RYR2: variants seen among roughly 807,000 people sequenced by gnomAD.
The protein encoded by RYR2 is ryanodine receptor 2.
Under a neutral mutation model 601.1 loss-of-function variants are expected in RYR2, and 227 were observed. That is an observed-to-expected ratio of 0.38 (90% CI 0.34 to 0.42). The LOEUF (loss-of-function observed/expected upper bound fraction) is 0.42. Ranked by LOEUF, RYR2 falls within the 10% of genes least tolerant of loss-of-function variation. The pLI, the probability that RYR2 is intolerant of heterozygous loss-of-function variation, is 1.00. For missense variants in RYR2, 4,646 were observed against 6,156.5 expected (o/e 0.75, Z 8.21); for synonymous variants, 2,223 against 2,175.1 (o/e 1.02, Z -0.61).
intron 57 of RYR2, 115 bp from the exon 58 acceptor site, chr1:237,667,768 A>C (rs1329450940): frequency 1.4e-6 from 1 of 711,402 alleles, no homozygotes; most frequent in Non-Finnish European, 2.3e-6. Context: ...TTTTAAATGT[A>C]TCATAGCACT....
At chr1:237,363,795 G>T (rs772653877) in intron 4 of RYR2, among the ~76,000 whole-genome samples, 25 of 152,100 alleles carry the variant, frequency 1.6e-4, no homozygotes, top group Non-Finnish European at 3.4e-4. Flanking sequence ...AAGAGAAAAA[G>T]AAATGTTTTT....
chr1:237,150,594 G>A (rs1024009105), intron 1 of RYR2, among the ~76,000 whole-genome samples: 4 of 152,110 alleles, frequency 2.6e-5, no homozygotes, highest in African/African-American at 9.7e-5. Context: ...AGAACACATA[G>A]CATAGTCTGT....
chr1:237,674,002 A>C, intron 58 of RYR2, 94 bp from the exon 59 acceptor site: 1 of 936,020 alleles, frequency 1.1e-6, no homozygotes, highest in East Asian at 2.4e-5. Flanking sequence ...AAGGATATGG[A>C]AAGTTTTATA....
At chr1:237,473,464 TCTA>T (rs1661008406) in intron 17 of RYR2, among the ~76,000 whole-genome samples, 1 of 147,058 alleles carries the variant, frequency 6.8e-6, no homozygotes, top group African/African-American at 2.5e-5. Flanking sequence ...TTTCTTTCTA[TCTA>T]TCTATCTATC....
chr1:237,578,930 A>G (rs1048762369), intron 29 of RYR2, among the ~76,000 whole-genome samples: 1 of 151,966 alleles, frequency 6.6e-6, no homozygotes. Context: ...TTCCTTGATG[A>G]CCTCTTGGGT....
At chr1:237,506,248 A>G (rs3101797) in intron 22 of RYR2, among the ~76,000 whole-genome samples, 106,403 of 151,170 alleles carry the variant, frequency 0.7, 37,972 homozygotes, top group African/African-American at 0.84. Context: ...TTTAAAGAAT[A>G]TCATGAAGGC....
chr1:237,445,631 C>G, intron 14 of RYR2, 109 bp downstream of exon 14: 2 of 1,354,442 alleles, frequency 1.5e-6, no homozygotes, highest in Non-Finnish European at 2.0e-6. Flanking sequence ...AAATCTCATA[C>G]TGTTTGGTAA....
At chr1:237,604,484 T>G (rs534309911) in intron 35 of RYR2, among the ~76,000 whole-genome samples, 39 of 152,074 alleles carry the variant, frequency 2.6e-4, no homozygotes, top group Middle Eastern at 3.4e-3. Flanking sequence ...GATCTAAAAT[T>G]GACACCCTAA....
In RYR2 at chr1:237,819,734, C is replaced by T. The variant is rs1305097847; in HGVS notation, c.14590+542C>T. ...CTGGGAGGCTGAGGCAGGAGAATTG[C>T]TTGAACCCGGGAGGTGGAGGTTGCA... is the stretch of plus-strand genomic sequence containing the variant. On this transcript the variant is annotated intron_variant, in intron 101 of 104. Coordinates refer to ENST00000366574, the MANE Select transcript of RYR2 (RefSeq NM_001035.3). This position sits in a 1 kb window ranked among gnomAD's most constrained non-coding sequence, Gnocchi z 4.0. Among the ~76,000 whole-genome samples, 1 of 152,124 alleles carries T rather than the reference C, an allele frequency of 6.6e-6. No individual in the cohort carries two copies. Among genetic ancestry groups the T allele is most frequent in the Non-Finnish European group, 1.5e-5 (1 of 68,014 alleles).
chr1:237,723,002 A>G (rs1340481075), intron 73 of RYR2, 126 bp from the exon 74 acceptor site: 13 of 733,776 alleles, frequency 1.8e-5, no homozygotes, highest in Non-Finnish European at 2.4e-5. Context: ...GCTGCGCGTC[A>G]TGTCTTAACT....
In RYR2 at chr1:237,643,619, C is replaced by CT. The variant is rs113722212; in HGVS notation, c.7342+183dup. On this transcript the variant is annotated intron_variant, in intron 48 of 104. Transcript: ENST00000366574. ...AAAGTATATATTTTATAATTTTTTC[C>CT]TTTTTTTTTTTGAATTAGAGCCTTG... Among the ~76,000 whole-genome samples, 74,417 of 147,212 alleles carry CT rather than the reference C, an allele frequency of 0.51. 19,258 individuals are homozygous for CT. The highest frequency in any genetic ancestry group is 0.57 in the Non-Finnish European group (38,045 of 66,996).
intron 1 of RYR2, among the ~76,000 whole-genome samples, chr1:237,139,483 T>C (rs1424799108): frequency 6.6e-6 from 1 of 152,170 alleles, no homozygotes; most frequent in Non-Finnish European, 1.5e-5. Context: ...AATGGGTGAA[T>C]TGTATGGTTT....
chr1:237,294,192 T>C (rs1692517569), intron 2 of RYR2, among the ~76,000 whole-genome samples: 1 of 152,322 alleles, frequency 6.6e-6, no homozygotes, highest in Non-Finnish European at 1.5e-5. Flanking sequence ...AGGAGCTCTC[T>C]CAGGAACTGG....
chr1:237,355,977 G>A lies in RYR2; in HGVS notation c.286G>A (p.Glu96Lys). 1 of 1,606,488 alleles carries A rather than the reference G, an allele frequency of 6.2e-7. No homozygotes were observed. The highest frequency in any genetic ancestry group is 8.5e-7 in the Non-Finnish European group (1 of 1,175,974). ...VEKSEGQVDV[E>K]KWKFMMKTAQ... ...TTTCTTTCCACAGCAAGTTGATGTGGAAAAATGGGTATGTGTTTCCATGTA... is the reference window on the plus strand; with the variant it reads ...TTTCTTTCCACAGCAAGTTGATGTGAAAAAATGGGTATGTGTTTCCATGTA... Residue 96 changes from glutamate to lysine, a missense_variant, in exon 4 of 105, where the codon GAA becomes AAA. Around this residue, in one of 17 missense-constraint regions of RYR2, gnomAD observed 153 missense variants for 203.6 expected, o/e 0.75. Transcript: ENST00000366574.
intron 1 of RYR2, among the ~76,000 whole-genome samples, chr1:237,161,357 G>T (rs1334480696): frequency 6.6e-6 from 1 of 150,904 alleles, no homozygotes; most frequent in East Asian, 1.9e-4. Flanking sequence ...AATTTTGGGG[G>T]AAAAAAAAAG....
intron 87 of RYR2, among the ~76,000 whole-genome samples, chr1:237,777,667 T>C (rs1694775223): frequency 6.6e-6 from 1 of 152,192 alleles, no homozygotes; most frequent in Non-Finnish European, 1.5e-5. Context: ...GTCTGCGTGC[T>C]ACAGCGGATC....
chr1:237,680,627 A>G (rs1455493262), intron 62 of RYR2, 50 bp downstream of exon 62: 3 of 1,473,362 alleles, frequency 2.0e-6, no homozygotes, highest in Non-Finnish European at 2.8e-6. Context: ...GTGTATATGC[A>G]GTTGCAAAGA....
chr1:237,782,178 CTT>C (rs35521596), intron 89 of RYR2, among the ~76,000 whole-genome samples: 25,035 of 118,748 alleles, frequency 0.21, 3,454 homozygotes, highest in African/African-American at 0.43. Context: ...TTTGTTATTG[CTT>C]TTTTTTTTTT....
intron 1 of RYR2, among the ~76,000 whole-genome samples, chr1:237,165,869 G>T (rs559430830): frequency 4.6e-5 from 7 of 152,224 alleles, no homozygotes; most frequent in African/African-American, 1.7e-4. Context: ...AGGCCTGGTG[G>T]CTCATGCCTG....
Sources: allele counts gnomAD v4.1 joint callset (sites outside exome capture counted in the v4.1 genomes callset), GRCh38; gene constraint gnomAD v4.1.1; regional missense constraint gnomAD v4.1.1; non-coding constraint Gnocchi (gnomAD v3.1); transcripts MANE v1.5; gene names NCBI Gene and HGNC (gene_info 2026-07-23, HGNC 2026-07-21).